The following FAM174A variants were observed in gnomAD, a reference collection of about 807,000 sequenced individuals.
The protein encoded by FAM174A is family with sequence similarity 174 member A.
In FAM174A, 14 loss-of-function variants were observed where a neutral mutation model predicts 14.3. The ratio of observed to expected loss-of-function variants is 0.98; its 90% CI spans 0.65 to 1.53. The LOEUF (loss-of-function observed/expected upper bound fraction) is 1.53, where lower values mean the gene tolerates loss of function less well. FAM174A is among the 40% of genes most tolerant of loss of function. FAM174A has a pLI of 0.00. For missense variants in FAM174A, 241 were observed against 249.6 expected (o/e 0.97, Z 0.23); for synonymous variants, 108 against 111.4 (o/e 0.97, Z 0.19).
At chr5:100,549,485 G>A (rs1267765576) in intron 1 of FAM174A, among the ~76,000 whole-genome samples, 1 of 152,070 alleles carries the variant, frequency 6.6e-6, no homozygotes, top group East Asian at 1.9e-4. Flanking sequence ...GCCTTCAACA[G>A]GAGACAAACA....
At chr5:100,582,860 A>G (rs1747048835) in intron 2 of FAM174A, among the ~76,000 whole-genome samples, 2 of 152,192 alleles carry the variant, frequency 1.3e-5, no homozygotes, top group South Asian at 4.1e-4. Flanking sequence ...AACCATAGAA[A>G]TGAATAACTG....
At position 100,562,185 on chromosome 5, in the gene FAM174A, G is replaced by A. The variant is rs750566698; in HGVS notation, c.566G>A (p.Arg189Gln). The A allele has an allele frequency of 1.1e-5, 18 of 1,574,084 alleles. No homozygotes were observed. Among genetic ancestry groups the A allele is most frequent in the East Asian group, 4.9e-5 (2 of 41,114 alleles). The change falls in exon 2 of 3, where the codon CGA (arginine) becomes CAA (glutamine). Residue 189 changes from arginine (R) to glutamine (Q), a missense_variant. Arg to Gln is a conservative substitution (Grantham distance 43, BLOSUM62 1). Coordinates refer to ENST00000312637, the MANE Select transcript of FAM174A (RefSeq NM_198507.3). ...DNTLFDANHP[R>Q]R ...ACGTTGTTTGATGCCAATCATCCTC[G>A]AAGGTAAGTATTCCAGTAGTTTAAT...
At chr5:100,560,236 T>A (rs191663251) in intron 1 of FAM174A, among the ~76,000 whole-genome samples, 9 of 151,966 alleles carry the variant, frequency 5.9e-5, no homozygotes, top group African/African-American at 2.2e-4. Context: ...TTGCCTGGGT[T>A]TTTTATAGAG....
At chr5:100,563,493 AG>A (rs1445029973) in intron 2 of FAM174A, among the ~76,000 whole-genome samples, 6 of 151,928 alleles carry the variant, frequency 3.9e-5, no homozygotes, top group African/African-American at 1.4e-4. Context: ...TAAATTATAA[AG>A]CAAATATTGA....
chr5:100,583,175 A>G (rs1278183817), intron 2 of FAM174A, among the ~76,000 whole-genome samples: 2 of 152,296 alleles, frequency 1.3e-5, no homozygotes, highest in East Asian at 3.9e-4. Context: ...CCTTGTCTTC[A>G]CGTTGAGTAG....
At chr5:100,556,724 C>A (rs143679155) in intron 1 of FAM174A, among the ~76,000 whole-genome samples, 1 of 152,124 alleles carries the variant, frequency 6.6e-6, no homozygotes, top group African/African-American at 2.4e-5. Flanking sequence ...GAAGTTCACT[C>A]ATGATTTGGC....
chr5:100,546,555 AATTG>A (rs1477676821), intron 1 of FAM174A, among the ~76,000 whole-genome samples: 1 of 152,172 alleles, frequency 6.6e-6, no homozygotes, highest in African/African-American at 2.4e-5. Context: ...TTCTTGAAGT[AATTG>A]ATTGATTATA....
At chr5:100,548,848 A>G (rs777010666) in intron 1 of FAM174A, among the ~76,000 whole-genome samples, 16 of 152,140 alleles carry the variant, frequency 1.1e-4, no homozygotes, top group East Asian at 1.9e-4. Context: ...GAGTTTTACT[A>G]TAATGTTTTT....
At chr5:100,576,051 A>G (rs994758630) in intron 2 of FAM174A, among the ~76,000 whole-genome samples, 2 of 152,204 alleles carry the variant, frequency 1.3e-5, no homozygotes, top group East Asian at 1.9e-4. Context: ...CTTGCTTACA[A>G]TTTTATGAAA....
At chr5:100,548,441 T>C (rs1472877486) in intron 1 of FAM174A, among the ~76,000 whole-genome samples, 3 of 152,092 alleles carry the variant, frequency 2.0e-5, no homozygotes, top group African/African-American at 7.2e-5. Context: ...AACTAGAAAA[T>C]ATGGCTCAAC....
At chr5:100,560,760 A>G (rs1162066693) in intron 1 of FAM174A, among the ~76,000 whole-genome samples, 1 of 152,062 alleles carries the variant, frequency 6.6e-6, no homozygotes, top group African/African-American at 2.4e-5. Context: ...AAACAGAGTA[A>G]ATCAGAATTT....
intron 2 of FAM174A, among the ~76,000 whole-genome samples, chr5:100,572,303 A>G (rs1368712350): frequency 1.4e-5 from 2 of 142,130 alleles, no homozygotes; most frequent in African/African-American, 5.4e-5. Context: ...CACATTGTGC[A>G]GGTTAGTTAC....
At chr5:100,560,823 T>C (rs1336954184) in intron 1 of FAM174A, among the ~76,000 whole-genome samples, 1 of 152,052 alleles carries the variant, frequency 6.6e-6, no homozygotes, top group African/African-American at 2.4e-5. Flanking sequence ...CTATTTATTT[T>C]CAAACTCCAG....
At chr5:100,570,685 T>C (rs2112394395) in intron 2 of FAM174A, among the ~76,000 whole-genome samples, 1 of 152,092 alleles carries the variant, frequency 6.6e-6, no homozygotes, top group Middle Eastern at 3.4e-3. Flanking sequence ...GGAATTAAGA[T>C]TGCTAATAGG....
chr5:100,575,984 A>C (rs1249771999), intron 2 of FAM174A, among the ~76,000 whole-genome samples: 1 of 152,166 alleles, frequency 6.6e-6, no homozygotes, highest in Non-Finnish European at 1.5e-5. Flanking sequence ...TCATTTTCCA[A>C]ATTCTATCCA....
At chr5:100,554,306 C>CT in intron 1 of FAM174A, among the ~76,000 whole-genome samples, 3 of 133,804 alleles carry the variant, frequency 2.2e-5, no homozygotes, top group East Asian at 2.1e-4. Context: ...CTCTATTTTT[C>CT]TATCTTTTTT....
At chr5:100,564,992 G>A (rs1290296390) in intron 2 of FAM174A, among the ~76,000 whole-genome samples, 1 of 151,768 alleles carries the variant, frequency 6.6e-6, no homozygotes, top group Non-Finnish European at 1.5e-5. Flanking sequence ...CTGACAAATA[G>A]AAGAAGAAGC....
chr5:100,558,953 G>A (rs879003600), intron 1 of FAM174A, among the ~76,000 whole-genome samples: 1 of 152,100 alleles, frequency 6.6e-6, no homozygotes, highest in Non-Finnish European at 1.5e-5. Context: ...GGTTAATATT[G>A]TGATGTGTGA....
chr5:100,558,873 G>C (rs1197732639), intron 1 of FAM174A, among the ~76,000 whole-genome samples: 1 of 151,962 alleles, frequency 6.6e-6, no homozygotes, highest in African/African-American at 2.4e-5. Flanking sequence ...CACACTGATG[G>C]GTCTTGACTC....
Sources: gnomAD v4.1 joint callset for allele counts (sites outside exome capture counted in the v4.1 genomes callset) on GRCh38, gnomAD v4.1.1 for gene constraint, MANE v1.5 for transcripts, NCBI Gene and HGNC (gene_info 2026-07-23, HGNC 2026-07-21) for gene names.